Variants in DLGAP1 observed in about 807,000 individuals in gnomAD.
DLGAP1 encodes DLG associated protein 1, also known as disks large-associated protein 1.
Under a neutral mutation model 90.8 loss-of-function variants are expected in DLGAP1, and 11 were observed. The observed-to-expected ratio is 0.12, with a 90% CI of 0.08 to 0.20. The LOEUF is 0.20. Ranked by LOEUF, DLGAP1 falls within the 10% of genes least tolerant of loss-of-function variation. The pLI, the probability that DLGAP1 is intolerant of heterozygous loss-of-function variation, is 1.00. For missense variants in DLGAP1, 1,050 were observed against 1,333.8 expected (o/e 0.79, Z 3.31); for synonymous variants, 558 against 540.7 (o/e 1.03, Z -0.44).
chr18:3,515,157 C>G (rs1376717209), intron 10 of DLGAP1, among the ~76,000 whole-genome samples: 1 of 152,208 alleles, frequency 6.6e-6, no homozygotes, highest in African/African-American at 2.4e-5. Flanking sequence ...ATTTTACCCA[C>G]AGTAAAACTT....
intron 2 of DLGAP1, among the ~76,000 whole-genome samples, chr18:4,104,128 G>A (rs2075822790): frequency 6.6e-6 from 1 of 152,036 alleles, no homozygotes; most frequent in Non-Finnish European, 1.5e-5. Flanking sequence ...CCTGGATGTA[G>A]TTTCAGAATA....
intron 3 of DLGAP1, chr18:3,978,378 G>A (rs947200730): frequency 4.8e-5 from 16 of 336,802 alleles, no homozygotes; most frequent in African/African-American, 2.2e-4. Flanking sequence ...GTGGGATCTC[G>A]CCTTGGATGA....
At chr18:3,768,004 C>G (rs943852519) in intron 5 of DLGAP1, among the ~76,000 whole-genome samples, 1 of 152,064 alleles carries the variant, frequency 6.6e-6, no homozygotes, top group Non-Finnish European at 1.5e-5. Context: ...AAAACTGTCC[C>G]TGTTTTGTCT....
At chr18:4,310,302 TAGTC>T (rs1002185010) in intron 1 of DLGAP1, among the ~76,000 whole-genome samples, 15 of 152,322 alleles carry the variant, frequency 9.8e-5, no homozygotes, top group African/African-American at 3.6e-4. Context: ...CTGTTAACAT[TAGTC>T]AGCTTGCATA....
intron 1 of DLGAP1, among the ~76,000 whole-genome samples, chr18:4,402,551 G>T (rs993136287): frequency 6.6e-6 from 1 of 152,078 alleles, no homozygotes; most frequent in Non-Finnish European, 1.5e-5. Context: ...ATTCAGACAG[G>T]GTGAAATGAC....
chr18:4,151,650 G>A (rs890739732), intron 1 of DLGAP1, among the ~76,000 whole-genome samples: 1 of 152,048 alleles, frequency 6.6e-6, no homozygotes, highest in Admixed American at 6.6e-5. Flanking sequence ...CTTCCTGAGC[G>A]TTATTTGTTT....
At chr18:3,820,178 A>G (rs916006044) in intron 4 of DLGAP1, among the ~76,000 whole-genome samples, 2 of 152,196 alleles carry the variant, frequency 1.3e-5, no homozygotes, top group Non-Finnish European at 2.9e-5. Flanking sequence ...GGTGTGGAGT[A>G]ATGAGAATGC....
intron 9 of DLGAP1, among the ~76,000 whole-genome samples, chr18:3,562,223 C>T (rs149821090): frequency 0.017 from 2,623 of 151,942 alleles, 69 homozygotes; most frequent in African/African-American, 0.059. Context: ...GCAAAAACTC[C>T]GTCTCAAAAA....
At chr18:4,396,145 G>A (rs1274897552) in intron 1 of DLGAP1, among the ~76,000 whole-genome samples, 2 of 152,312 alleles carry the variant, frequency 1.3e-5, no homozygotes, top group East Asian at 1.9e-4. Context: ...GACTTAGTAA[G>A]AGCAAATACA....
chr18:3,543,193 C>T (rs910917480), intron 9 of DLGAP1, among the ~76,000 whole-genome samples: 1 of 85,276 alleles, frequency 1.2e-5, no homozygotes, highest in Admixed American at 1.2e-4. Context: ...TTTTTTGAGA[C>T]GGAGTCTCGC....
chr18:4,093,869 G>A (rs962679763), intron 2 of DLGAP1, among the ~76,000 whole-genome samples: 1 of 152,072 alleles, frequency 6.6e-6, no homozygotes, highest in Non-Finnish European at 1.5e-5. Context: ...ATTCTGATGA[G>A]CCTCTCTTCT....
chr18:3,827,923 T>G (rs1014812495), intron 4 of DLGAP1, among the ~76,000 whole-genome samples: 1 of 152,194 alleles, frequency 6.6e-6, no homozygotes, highest in Non-Finnish European at 1.5e-5. Context: ...ACACTGTTAT[T>G]CATCTTCATT....
In DLGAP1 at chr18:3,498,856, C is replaced by CCTAAA; in HGVS notation, c.*328_*329insTTTAG. ...CAGACTAGCTCGAGAGAACTGAGGA[C>CCTAAA]GGCGGGTGACCTAAAGGCATCACTT... On this transcript the variant is annotated 3_prime_UTR_variant, in exon 13 of 13. Transcript: ENST00000315677. 2 of 335,448 alleles carry CCTAAA rather than the reference C, an allele frequency of 6.0e-6. No individual in the cohort carries two copies. Among genetic ancestry groups the CCTAAA allele is most frequent in the Non-Finnish European group, 1.1e-5 (2 of 185,874 alleles). 20.8% of individuals were successfully genotyped at this position (335,448 alleles called of 1,614,324 possible). A position where few individuals can be genotyped will look rare whatever the true frequency, so the allele number is the denominator to read the frequency against.
At chr18:3,708,821 T>C (rs1323610569) in intron 7 of DLGAP1, among the ~76,000 whole-genome samples, 3 of 152,162 alleles carry the variant, frequency 2.0e-5, no homozygotes, top group Non-Finnish European at 4.4e-5. Context: ...GTGACTCAGA[T>C]ATGACTTTCT....
intron 5 of DLGAP1, among the ~76,000 whole-genome samples, chr18:3,746,676 T>C (rs1488184202): frequency 1.3e-5 from 2 of 152,102 alleles, no homozygotes; most frequent in African/African-American, 2.4e-5. Flanking sequence ...AAAATAAATA[T>C]ATAAATTCAC....
intron 3 of DLGAP1, among the ~76,000 whole-genome samples, chr18:3,977,247 T>A (rs975192847): frequency 6.6e-6 from 1 of 152,018 alleles, no homozygotes; most frequent in South Asian, 2.1e-4. Context: ...AATTTTTGTA[T>A]TTTTAGTAGA....
At chr18:4,096,266 C>T (rs1033014821) in intron 2 of DLGAP1, among the ~76,000 whole-genome samples, 1 of 152,062 alleles carries the variant, frequency 6.6e-6, no homozygotes, top group Non-Finnish European at 1.5e-5. Flanking sequence ...TTCAAGTGAT[C>T]CTCCCACCTC....
At chr18:4,374,385 T>C (rs982839629) in intron 1 of DLGAP1, among the ~76,000 whole-genome samples, 3 of 152,098 alleles carry the variant, frequency 2.0e-5, no homozygotes, top group Non-Finnish European at 4.4e-5. Flanking sequence ...ATATTTTCCA[T>C]GAGTATTAAT....
At chr18:3,561,268 A>AAAAAAAAAAAAC (rs2054084079) in intron 9 of DLGAP1, among the ~76,000 whole-genome samples, 3 of 78,208 alleles carry the variant, frequency 3.8e-5, no homozygotes, top group African/African-American at 2.9e-4. Context: ...AAAAAAAACA[A>AAAAAAAAAAAAC]AAAAAAAAAA....
Sources: gnomAD v4.1 joint callset for allele counts (sites outside exome capture counted in the v4.1 genomes callset) on GRCh38, gnomAD v4.1.1 for gene constraint, MANE v1.5 for transcripts, NCBI Gene and HGNC (gene_info 2026-07-23, HGNC 2026-07-21) for gene names.